The following FGD4 variants were observed in gnomAD, a reference collection of about 807,000 sequenced individuals.
The protein encoded by FGD4 is FYVE, RhoGEF and PH domain containing 4.
Under a neutral mutation model 102.0 loss-of-function variants are expected in FGD4, and 42 were observed. That is an observed-to-expected ratio of 0.41 (90% CI 0.32 to 0.53). The LOEUF (loss-of-function observed/expected upper bound fraction) is 0.53. FGD4 is among the 20% of genes least tolerant of loss of function. The pLI is 0.21. For synonymous variants in FGD4, 380 were observed against 375.7 expected (o/e 1.01, Z -0.13); for missense variants, 902 against 1,078.2 (o/e 0.84, Z 2.29).
chr12:32,434,232 T>A (rs1295511552), intron 1 of FGD4, among the ~76,000 whole-genome samples: 3 of 152,232 alleles, frequency 2.0e-5, no homozygotes, highest in African/African-American at 7.2e-5. Context: ...AGACCCTGTC[T>A]GTTCCTAGCT....
chr12:32,480,165 G>GT (rs566121849), intron 1 of FGD4, among the ~76,000 whole-genome samples: 4,646 of 61,432 alleles, frequency 0.076, 109 homozygotes, highest in Middle Eastern at 0.34. Flanking sequence ...GGTTTTTTTT[G>GT]TTTTTTTTGT....
intron 1 of FGD4, among the ~76,000 whole-genome samples, chr12:32,475,428 G>GTGAAAA (rs755607202): frequency 3.3e-5 from 5 of 152,192 alleles, no homozygotes; most frequent in Non-Finnish European, 7.3e-5. Flanking sequence ...AGACTGTCAT[G>GTGAAAA]TGAAAATAAC....
intron 4 of FGD4, among the ~76,000 whole-genome samples, chr12:32,594,252 C>T (rs1947697804): frequency 1.3e-5 from 2 of 152,126 alleles, no homozygotes; most frequent in Non-Finnish European, 2.9e-5. Context: ...ATCTGAGCTC[C>T]ACCTCCTGTC....
chr12:32,503,717 C>CATA (rs1938431947), intron 1 of FGD4, among the ~76,000 whole-genome samples: 1 of 152,228 alleles, frequency 6.6e-6, no homozygotes, highest in African/African-American at 2.4e-5. Flanking sequence ...ATTTCCTTAG[C>CATA]ATAATCTAAA....
At chr12:32,419,414 C>T (rs548353300) in intron 1 of FGD4, among the ~76,000 whole-genome samples, 2 of 152,302 alleles carry the variant, frequency 1.3e-5, no homozygotes, top group South Asian at 4.1e-4. Flanking sequence ...TAAATCCTGC[C>T]AGGTTTCCTC....
At chr12:32,570,240 CAAAAAAAAA>C (rs150913094) in intron 2 of FGD4, among the ~76,000 whole-genome samples, 25 of 67,636 alleles carry the variant, frequency 3.7e-4, no homozygotes, top group African/African-American at 1.2e-3. Flanking sequence ...GACGCTGTCT[CAAAAAAAAA>C]AAAAAAAAAA....
chr12:32,417,159 G>A (rs996130369), intron 1 of FGD4, among the ~76,000 whole-genome samples: 13 of 152,072 alleles, frequency 8.5e-5, no homozygotes, highest in Non-Finnish European at 1.8e-4. Context: ...CTCCCAAAGT[G>A]TTGGAATTAC....
intron 14 of FGD4, among the ~76,000 whole-genome samples, chr12:32,626,525 T>C (rs1950185144): frequency 6.6e-6 from 1 of 150,838 alleles, no homozygotes. Context: ...ACAGTGAAAG[T>C]CTATATGCAA....
chr12:32,401,963 C>T (rs1169112284), intron 1 of FGD4, among the ~76,000 whole-genome samples: 2 of 144,988 alleles, frequency 1.4e-5, no homozygotes, highest in Non-Finnish European at 3.0e-5. Context: ...AGTGCAGTGA[C>T]GCAATCTTGG....
At position 32,619,744 on chromosome 12, in the gene FGD4, G is replaced by T; in HGVS notation, c.1796G>T (p.Gly599Val). 1.2e-6 allele frequency: 2 copies of T among 1,614,108 alleles called. No homozygotes were observed. Among genetic ancestry groups the T allele is most frequent in the East Asian group, 4.5e-5 (2 of 44,868 alleles). Residue 599 changes from glycine to valine, a missense_variant, in exon 11 of 17, where the codon GGC (glycine) becomes GTC (valine). Around this residue, in one of 2 missense-constraint regions of FGD4, gnomAD observed 459 missense variants for 619.0 expected, o/e 0.74. Coordinates refer to ENST00000534526, the MANE Select transcript of FGD4 (RefSeq NM_001370298.3). ...LYCVPKFSLV[G>V]SKFTVRTRVG... ...TGTGTGCCCAAATTCAGCTTGGTAGGCTCTAAATTCACAGTTCGAACCAGG... is the reference window on the plus strand; with the variant it reads ...TGTGTGCCCAAATTCAGCTTGGTAGTCTCTAAATTCACAGTTCGAACCAGG...
At chr12:32,485,571 G>T (rs1375669121) in intron 1 of FGD4, among the ~76,000 whole-genome samples, 1 of 151,048 alleles carries the variant, frequency 6.6e-6, no homozygotes, top group Non-Finnish European at 1.5e-5. Context: ...CTCCCGAGCA[G>T]CTGGGACTAC....
intron 1 of FGD4, among the ~76,000 whole-genome samples, chr12:32,522,130 A>T (rs779455470): frequency 6.6e-6 from 1 of 152,194 alleles, no homozygotes; most frequent in Admixed American, 6.5e-5. Context: ...ACTTACAAAG[A>T]TATTTAAAAG....
intron 1 of FGD4, among the ~76,000 whole-genome samples, chr12:32,400,587 TGATCTATTCAAGGC>T (rs1463637062): frequency 1.3e-5 from 2 of 152,188 alleles, no homozygotes; most frequent in East Asian, 3.9e-4. Flanking sequence ...GTCCTCAAGG[TGATCTATTCAAGGC>T]GATCTATTCA....
At chr12:32,594,981 A>C (rs535618881) in intron 4 of FGD4, among the ~76,000 whole-genome samples, 1 of 151,864 alleles carries the variant, frequency 6.6e-6, no homozygotes, top group African/African-American at 2.4e-5. Flanking sequence ...CAGTGAGCCA[A>C]GATCACGCCA....
At chr12:32,597,864 TATTTG>T (rs1948036267) in intron 4 of FGD4, among the ~76,000 whole-genome samples, 1 of 152,208 alleles carries the variant, frequency 6.6e-6, no homozygotes, top group African/African-American at 2.4e-5. Flanking sequence ...TTTTCTGTAT[TATTTG>T]ATTGAAGTTT....
chr12:32,425,882 T>C (rs1282300531), intron 1 of FGD4, among the ~76,000 whole-genome samples: 1 of 152,172 alleles, frequency 6.6e-6, no homozygotes, highest in Non-Finnish European at 1.5e-5. Flanking sequence ...TATTGGTGTA[T>C]AGGAATGCTT....
chr12:32,625,030 G>A lies in FGD4; in HGVS notation c.2008G>A (p.Ala670Thr), dbSNP rs1394833775. The A allele has an allele frequency of 6.2e-7, 1 of 1,613,168 alleles. No individual in the cohort carries two copies. The highest frequency in any genetic ancestry group is 8.5e-7 in the Non-Finnish European group (1 of 1,179,516). Reference protein sequence around the residue: ...FHQRHETFRNAIAKDNDIHSE... With the variant: ...FHQRHETFRNTIAKDNDIHSE... Reference sequence around the variant, plus strand: ...TCAAAGGCATGAAACCTTCAGAAATGCAATTGCAAAGGATAATGACATTCA... The same window carrying A: ...TCAAAGGCATGAAACCTTCAGAAATACAATTGCAAAGGATAATGACATTCA... Residue 670 changes from alanine (A) to threonine (T), a missense_variant, in exon 13 of 17, where the codon GCA becomes ACA. Physicochemically the swap from Ala to Thr is moderately conservative, Grantham distance 58. Coordinates refer to ENST00000534526, the MANE Select transcript of FGD4 (RefSeq NM_001370298.3).
At chr12:32,455,211 A>G (rs1325674069) in intron 1 of FGD4, among the ~76,000 whole-genome samples, 2 of 152,220 alleles carry the variant, frequency 1.3e-5, no homozygotes, top group Non-Finnish European at 2.9e-5. Context: ...AGGATTTAGC[A>G]GCAACAGTTG....
chr12:32,589,267 T>G (rs1947284886), intron 4 of FGD4, among the ~76,000 whole-genome samples: 1 of 152,212 alleles, frequency 6.6e-6, no homozygotes, highest in Non-Finnish European at 1.5e-5. Flanking sequence ...GATCCAAATT[T>G]CAACACATTC....
Sources: gnomAD v4.1 joint callset for allele counts (sites outside exome capture counted in the v4.1 genomes callset) on GRCh38, gnomAD v4.1.1 for gene constraint, gnomAD v4.1.1 regional missense constraint, MANE v1.5 for transcripts, NCBI Gene and HGNC (gene_info 2026-07-23, HGNC 2026-07-21) for gene names.